FILIP1L: variants seen among roughly 807,000 people sequenced by gnomAD.
The protein encoded by FILIP1L is filamin A-interacting protein 1-like.
A neutral mutation model predicts 96.6 loss-of-function variants in FILIP1L; 55 were observed. That is an observed-to-expected ratio of 0.57 (90% confidence interval 0.46 to 0.71). FILIP1L has a LOEUF of 0.71. FILIP1L is among the 30% of genes least tolerant of loss of function. The pLI, the probability that FILIP1L is intolerant of heterozygous loss-of-function variation, is 0.00. For missense variants in FILIP1L, 1,304 were observed against 1,321.2 expected (o/e 0.99, Z 0.20); for synonymous variants, 467 against 473.9 (o/e 0.99, Z 0.19).
intron 1 of FILIP1L, among the ~76,000 whole-genome samples, chr3:100,017,925 G>A (rs1418975555): frequency 6.6e-6 from 1 of 152,148 alleles, no homozygotes; most frequent in East Asian, 1.9e-4. Flanking sequence ...ATTGCAGATT[G>A]TGGAACTTCT....
chr3:99,905,187 C>T (rs761625525), intron 4 of FILIP1L, among the ~76,000 whole-genome samples: 1 of 152,224 alleles, frequency 6.6e-6, no homozygotes, highest in Non-Finnish European at 1.5e-5. Context: ...CAGGCCAACT[C>T]TTTGCTTTCC....
intron 4 of FILIP1L, among the ~76,000 whole-genome samples, chr3:99,869,805 A>G (rs1159169456): frequency 6.6e-6 from 1 of 152,216 alleles, no homozygotes; most frequent in Non-Finnish European, 1.5e-5. Context: ...AGAAAAACAT[A>G]TTTCACCTTT....
chr3:99,987,958 A>G (rs1452148340), intron 1 of FILIP1L, among the ~76,000 whole-genome samples: 1 of 152,208 alleles, frequency 6.6e-6, no homozygotes, highest in Non-Finnish European at 1.5e-5. Context: ...CTGTTCTTCC[A>G]GGCCATCATT....
chr3:99,976,293 G>A (rs749050929), intron 1 of FILIP1L, among the ~76,000 whole-genome samples: 157 of 152,090 alleles, frequency 1.0e-3, no homozygotes, highest in Non-Finnish European at 1.5e-3. Flanking sequence ...CATATGCTAC[G>A]CGTTCCTGCT....
At chr3:100,034,637 T>C (rs1350965707) in intron 1 of FILIP1L, among the ~76,000 whole-genome samples, 3 of 152,222 alleles carry the variant, frequency 2.0e-5, no homozygotes, top group Non-Finnish European at 2.9e-5. Flanking sequence ...TTTAATCTGA[T>C]AGCAAATGTC....
At chr3:99,841,346 T>C (rs890391673) in intron 5 of FILIP1L, among the ~76,000 whole-genome samples, 7 of 152,248 alleles carry the variant, frequency 4.6e-5, no homozygotes, top group Non-Finnish European at 1.0e-4. Context: ...ATTTCTACTA[T>C]GCCTGTGGCA....
At chr3:99,936,084 T>G (rs1707656636) in intron 1 of FILIP1L, among the ~76,000 whole-genome samples, 1 of 152,178 alleles carries the variant, frequency 6.6e-6, no homozygotes, top group Admixed American at 6.5e-5. Context: ...CTTTTTAGTC[T>G]TCATTTTCTT....
intron 1 of FILIP1L, among the ~76,000 whole-genome samples, chr3:100,006,941 G>GT (rs1254602095): frequency 1.3e-5 from 2 of 152,290 alleles, no homozygotes; most frequent in East Asian, 3.9e-4. Flanking sequence ...TTTAAAAAGT[G>GT]TTTTTGTTTG....
intron 1 of FILIP1L, among the ~76,000 whole-genome samples, chr3:100,041,691 G>C (rs969810888): frequency 2.0e-5 from 3 of 152,198 alleles, no homozygotes; most frequent in South Asian, 2.1e-4. Context: ...GGGGAAGGGG[G>C]ATAAGTGCAG....
chr3:99,853,477 A>C (rs908224867), intron 4 of FILIP1L, among the ~76,000 whole-genome samples: 4 of 152,250 alleles, frequency 2.6e-5, no homozygotes, highest in Non-Finnish European at 5.9e-5. Flanking sequence ...TATAATTAAA[A>C]GAGTATTAAA....
rs199518119 is a variant in FILIP1L at position 99,849,395 on chromosome 3, C to G, written c.2281G>C (p.Gly761Arg). 183 of 1,614,214 alleles carry G rather than the reference C, an allele frequency of 1.1e-4. 1 individual carries two copies. In the African/African-American group the frequency reaches 2.1e-3, roughly 18 times the overall value. ...TTAGTGAGGTTTTCAATCTCTCTTC[C>G]TAAATCTCTGTTCCTGTTTTCTTGT... The part of the protein sequence containing the change: ...NQQENRNRDL[G>R]REIENLTKEL... Residue 761 changes from glycine to arginine, a missense_variant, in exon 5 of 6, where the codon GGA becomes CGA. Gly to Arg is a moderately radical substitution (Grantham distance 125). Transcript: ENST00000477258.
intron 1 of FILIP1L, among the ~76,000 whole-genome samples, chr3:99,968,077 G>T (rs1034378330): frequency 6.6e-6 from 1 of 152,148 alleles, no homozygotes; most frequent in African/African-American, 2.4e-5. Flanking sequence ...CATGTACAAA[G>T]AGATAGTTTT....
intron 4 of FILIP1L, among the ~76,000 whole-genome samples, chr3:99,920,759 C>G (rs756412578): frequency 6.6e-6 from 1 of 152,196 alleles, no homozygotes; most frequent in African/African-American, 2.4e-5. Context: ...TGACATCAGT[C>G]TCCTTTAGGG....
At chr3:100,097,009 ACT>A (rs1003036534) in intron 1 of FILIP1L, among the ~76,000 whole-genome samples, 1 of 151,996 alleles carries the variant, frequency 6.6e-6, no homozygotes, top group Non-Finnish European at 1.5e-5. Flanking sequence ...AGATCATACC[ACT>A]CTGTGGCCTG....
chr3:99,906,920 T>A (rs943832118), intron 4 of FILIP1L, among the ~76,000 whole-genome samples: 4 of 152,198 alleles, frequency 2.6e-5, no homozygotes, highest in African/African-American at 9.6e-5. Flanking sequence ...GTATTGATCA[T>A]GTGGATGAAG....
intron 4 of FILIP1L, among the ~76,000 whole-genome samples, chr3:99,901,608 A>G (rs1167084195): frequency 6.6e-6 from 1 of 152,236 alleles, no homozygotes; most frequent in East Asian, 1.9e-4. Flanking sequence ...CATAGTTTAC[A>G]CTGCTTAAAT....
chr3:99,902,633 T>G (rs1191879350), intron 4 of FILIP1L, among the ~76,000 whole-genome samples: 1 of 152,222 alleles, frequency 6.6e-6, no homozygotes. Context: ...CAGTAGACAC[T>G]GGACAACCAA....
At chr3:99,859,340 C>T (rs2107549927) in intron 4 of FILIP1L, among the ~76,000 whole-genome samples, 1 of 152,352 alleles carries the variant, frequency 6.6e-6, no homozygotes, top group South Asian at 2.1e-4. Flanking sequence ...AGTATTCTCC[C>T]AGTAACAACC....
chr3:100,107,872 A>G (rs541045429), intron 1 of FILIP1L, among the ~76,000 whole-genome samples: 2 of 143,232 alleles, frequency 1.4e-5, no homozygotes, highest in Non-Finnish European at 3.1e-5. Flanking sequence ...AGAGAGCAAG[A>G]GAATTAAAAA....
Sources: gnomAD v4.1 joint callset for allele counts (sites outside exome capture counted in the v4.1 genomes callset) on GRCh38, gnomAD v4.1.1 for gene constraint, MANE v1.5 for transcripts, NCBI Gene and HGNC (gene_info 2026-07-23, HGNC 2026-07-21) for gene names.